The following KLHL1 variants were observed in gnomAD, a reference collection of about 807,000 sequenced individuals.
KLHL1 encodes kelch-like protein 1.
KLHL1 carries 47 observed loss-of-function variants against 77.7 expected under a neutral mutation model. The observed-to-expected ratio is 0.60, with a 90% confidence interval of 0.48 to 0.77. The LOEUF (loss-of-function observed/expected upper bound fraction) is 0.77. Among genes scored for constraint, KLHL1 ranks in the 30% least tolerant of loss-of-function variants. The probability of loss-of-function intolerance (pLI) is 0.00; values close to 1 mark genes in which losing one functional copy is unlikely to be tolerated. For synonymous variants in KLHL1, 360 were observed against 325.2 expected (o/e 1.11, Z -1.15); for missense variants, 925 against 910.8 (o/e 1.02, Z -0.20).
At chr13:69,917,725 TAGGTCTTTGCAAGGTTTTTTTTGGTTTG>T (rs1206384259) in intron 4 of KLHL1, among the ~76,000 whole-genome samples, 1 of 152,112 alleles carries the variant, frequency 6.6e-6, no homozygotes, top group Non-Finnish European at 1.5e-5. Flanking sequence ...CTTCCATATA[TAGGTCTTTGCAAGGTTTTTTTTGGTTTG>T]TTTTTTGAAT....
chr13:69,731,247 T>C (rs1294078739), intron 8 of KLHL1, among the ~76,000 whole-genome samples: 3 of 152,248 alleles, frequency 2.0e-5, no homozygotes, highest in South Asian at 2.1e-4. Flanking sequence ...AAAAATTGTA[T>C]TTGAGAGGAG....
intron 7 of KLHL1, among the ~76,000 whole-genome samples, chr13:69,796,414 G>T (rs1877109311): frequency 1.3e-5 from 2 of 152,036 alleles, no homozygotes; most frequent in Non-Finnish European, 2.9e-5. Flanking sequence ...TGTTCTATTA[G>T]TTCCCTCAAG....
chr13:69,721,062 G>GATATAT (rs753780468), intron 8 of KLHL1, among the ~76,000 whole-genome samples: 15 of 20,636 alleles, frequency 7.3e-4, no homozygotes, highest in African/African-American at 1.3e-3. Flanking sequence ...TAGCTACTAA[G>GATATAT]ATATATATAT....
At chr13:69,819,102 T>C (rs553786178) in intron 6 of KLHL1, among the ~76,000 whole-genome samples, 112 of 152,294 alleles carry the variant, frequency 7.4e-4, no homozygotes, top group Non-Finnish European at 1.5e-3. Flanking sequence ...CTTTAAAAGA[T>C]CCTGATAGTG....
At chr13:69,736,087 A>G (rs1377337705) in intron 8 of KLHL1, among the ~76,000 whole-genome samples, 4 of 152,240 alleles carry the variant, frequency 2.6e-5, no homozygotes, top group Non-Finnish European at 5.9e-5. Context: ...TACAATCAGC[A>G]GAATAAACAG....
intron 3 of KLHL1, among the ~76,000 whole-genome samples, chr13:69,952,888 C>T (rs1883755755): frequency 6.6e-6 from 1 of 151,188 alleles, no homozygotes; most frequent in African/African-American, 2.4e-5. Context: ...TGTTTTCCCC[C>T]CATACTATCA....
At chr13:70,087,065 T>C (rs897288380) in intron 1 of KLHL1, among the ~76,000 whole-genome samples, 1 of 152,118 alleles carries the variant, frequency 6.6e-6, no homozygotes, top group Non-Finnish European at 1.5e-5. Context: ...TACCAGTGTT[T>C]GCGTACAGTC....
chr13:69,977,569 C>A (rs1884581438), intron 1 of KLHL1, among the ~76,000 whole-genome samples: 1 of 151,992 alleles, frequency 6.6e-6, no homozygotes, highest in African/African-American at 2.4e-5. Flanking sequence ...AATGATGGGA[C>A]AAAAGCCATG....
chr13:70,007,686 AT>A (rs1885438052), intron 1 of KLHL1, among the ~76,000 whole-genome samples: 1 of 152,044 alleles, frequency 6.6e-6, no homozygotes, highest in South Asian at 2.1e-4. Flanking sequence ...TATATAGAAA[AT>A]AATTTCAACT....
intron 7 of KLHL1, among the ~76,000 whole-genome samples, chr13:69,789,493 T>A (rs184262721): frequency 8.9e-4 from 136 of 152,272 alleles, no homozygotes; most frequent in Non-Finnish European, 9.6e-4. Context: ...AGTTGACTAC[T>A]TTTTTCATCA....
intron 4 of KLHL1, among the ~76,000 whole-genome samples, chr13:69,935,433 A>G: frequency 6.6e-6 from 1 of 152,278 alleles, no homozygotes; most frequent in East Asian, 1.9e-4. Context: ...AAACAACAAT[A>G]ACAAAAACAA....
chr13:69,709,087 G>A (rs1000769486), intron 9 of KLHL1, among the ~76,000 whole-genome samples: 4 of 152,012 alleles, frequency 2.6e-5, no homozygotes, highest in African/African-American at 7.2e-5. Context: ...CCAAGATGAT[G>A]TGTAAAATGA....
At chr13:69,974,624 T>C (rs1458365182) in intron 2 of KLHL1, among the ~76,000 whole-genome samples, 5 of 152,006 alleles carry the variant, frequency 3.3e-5, no homozygotes, top group Non-Finnish European at 7.4e-5. Context: ...TATTTTTGAG[T>C]TGGTTGACAC....
At chr13:69,988,939 C>T (rs1205249034) in intron 1 of KLHL1, among the ~76,000 whole-genome samples, 1 of 151,986 alleles carries the variant, frequency 6.6e-6, no homozygotes, top group Non-Finnish European at 1.5e-5. Context: ...TTGATAGGTT[C>T]TTTTGCTGTG....
At position 69,944,949 on chromosome 13, in the gene KLHL1, C is replaced by A. The variant is rs189885649; in HGVS notation, c.818-4713G>T. On this transcript the variant is annotated intron_variant, in intron 3 of 10. Coordinates refer to ENST00000377844, the MANE Select transcript of KLHL1 (RefSeq NM_020866.3). ...AATTTACTCAAAATGGATCACGAAG[C>A]TAAATTCAAACATTAAACTATAAAA... Among the ~76,000 whole-genome samples the A allele has an allele frequency of 3.4e-5, 5 of 145,566 alleles. No homozygotes were observed. In the East Asian group the frequency reaches 1.0e-3, roughly 29 times the overall value.
At chr13:70,027,848 T>C (rs4884874) in intron 1 of KLHL1, among the ~76,000 whole-genome samples, 129,479 of 151,874 alleles carry the variant, frequency 0.85, 55,751 homozygotes, top group East Asian at 0.92. Context: ...GAATTGGTTC[T>C]GGAGCCACTC....
At chr13:70,066,955 G>A (rs1190533349) in intron 1 of KLHL1, among the ~76,000 whole-genome samples, 3 of 152,138 alleles carry the variant, frequency 2.0e-5, no homozygotes, top group East Asian at 3.8e-4. Flanking sequence ...GATTCCAGGA[G>A]CATAAGTCTT....
At chr13:70,089,129 G>C (rs996872328) in intron 1 of KLHL1, among the ~76,000 whole-genome samples, 1 of 152,094 alleles carries the variant, frequency 6.6e-6, no homozygotes, top group African/African-American at 2.4e-5. Context: ...AATGGGTGGG[G>C]GGTGGAATCT....
intron 1 of KLHL1, among the ~76,000 whole-genome samples, chr13:69,999,355 G>T (rs1885231435): frequency 1.3e-5 from 2 of 151,956 alleles, no homozygotes; most frequent in Admixed American, 1.3e-4. Context: ...AGATCCCAAT[G>T]ACTTGTTGAA....
Sources: gnomAD v4.1 joint callset for allele counts (sites outside exome capture counted in the v4.1 genomes callset) on GRCh38, gnomAD v4.1.1 for gene constraint, MANE v1.5 for transcripts, NCBI Gene and HGNC (gene_info 2026-07-23, HGNC 2026-07-21) for gene names.